Variants in NIN observed in about 807,000 individuals in gnomAD.
NIN encodes the protein glycogen synthase kinase 3 beta-interacting protein.
Under a neutral mutation model 257.6 loss-of-function variants are expected in NIN, and 137 were observed. The ratio of observed to expected loss-of-function variants is 0.53; its 90% CI spans 0.46 to 0.61. The LOEUF (loss-of-function observed/expected upper bound fraction) is 0.61. Ranked by LOEUF, NIN falls within the 20% of genes least tolerant of loss-of-function variation. The probability of loss-of-function intolerance (pLI) is 0.00; values close to 1 mark genes in which losing one functional copy is unlikely to be tolerated. For missense variants in NIN, 2,439 were observed against 2,501.2 expected, an observed-to-expected ratio of 0.98 and a Z score of 0.53; for synonymous variants, 918 against 919.8, an observed-to-expected ratio of 1.00 and a Z score of 0.04.
intron 4 of NIN, chr14:50,805,831 A>G (rs1163883211): frequency 6.6e-6 from 1 of 152,220 alleles, no homozygotes; most frequent in Non-Finnish European, 1.5e-5. Context: ...TACTAGCACC[A>G]TCAAGATATA....
chr14:50,771,760 C>A (rs1036418063), intron 9 of NIN, among the ~76,000 whole-genome samples: 2 of 152,004 alleles, frequency 1.3e-5, no homozygotes, highest in African/African-American at 2.4e-5. Context: ...CCGAGGCATG[C>A]GGATCATTTG....
At chr14:50,740,315 T>C (rs2099152274) in intron 25 of NIN, among the ~76,000 whole-genome samples, 1 of 150,090 alleles carries the variant, frequency 6.7e-6, no homozygotes, top group Non-Finnish European at 1.5e-5. Context: ...GCCTTCCAAG[T>C]AGCTGGGATT....
rs367650991 is a variant in NIN at position 50,739,458 on chromosome 14, T to C, written c.5478A>G (p.Pro1826=). Residue 1826 remains proline (P), a synonymous_variant, in exon 26 of 31, where the codon CCA becomes CCG. Coordinates refer to ENST00000530997, the MANE Select transcript of NIN (RefSeq NM_020921.4). ...KSWAPEIATH[P]SGLHNQQKRL... ...TTTTCTGCTGGTTATGGAGCCCTGA[T>C]GGATGAGTAGCTATCTCTGGGGCCC... 1.2e-6 allele frequency: 2 copies of C among 1,614,206 alleles called. No individual in the cohort carries two copies. Among genetic ancestry groups the C allele is most frequent in the Non-Finnish European group, 1.7e-6 (2 of 1,180,032 alleles).
At chr14:50,743,275 A>G (rs2041376197) in intron 24 of NIN, 141 bp downstream of exon 24, 4 of 611,758 alleles carry the variant, frequency 6.5e-6, no homozygotes, top group African/African-American at 3.7e-5. Context: ...CACTATAAAC[A>G]CACATCAAAC....
chr14:50,797,347 GCTTTCTATGTCC>G lies in NIN; in HGVS notation c.266-4478_266-4467del, dbSNP rs1347400326. On this transcript the variant is annotated intron_variant, in intron 4 of 30. Transcript: ENST00000530997. ...TTTGGAATTGCTCGCATAGGACTTTGCTTTCTATGTCCCTTCCTGACTCATTTAGTGAGCCTG... is the reference window on the plus strand; with the variant it reads ...TTTGGAATTGCTCGCATAGGACTTTGCTTCCTGACTCATTTAGTGAGCCTG... 2.0e-5 allele frequency among the ~76,000 whole-genome samples: 3 copies of G among 152,294 alleles called. No homozygotes were observed. The East Asian group carries it at 5.8e-4, about 29-fold the overall frequency.
At chr14:50,772,863 T>C (rs2042788202) in intron 8 of NIN, 86 bp downstream of exon 8, 1 of 1,136,282 alleles carries the variant, frequency 8.8e-7, no homozygotes, top group South Asian at 1.4e-5. Context: ...AGTATTTTGC[T>C]TCAGACAACA....
intron 28 of NIN, among the ~76,000 whole-genome samples, chr14:50,732,075 G>A (rs187951699): frequency 6.6e-5 from 10 of 152,296 alleles, no homozygotes; most frequent in East Asian, 3.9e-4. Context: ...CGAAGTAGGC[G>A]TCAAATTCTA....
intron 29 of NIN, among the ~76,000 whole-genome samples, chr14:50,729,178 A>G (rs983636614): frequency 6.6e-6 from 1 of 152,218 alleles, no homozygotes; most frequent in Non-Finnish European, 1.5e-5. Context: ...TGAGAGCTCA[A>G]AAGTAGCACC....
intron 3 of NIN, among the ~76,000 whole-genome samples, chr14:50,812,957 C>T (rs1233374422): frequency 6.6e-6 from 1 of 152,196 alleles, no homozygotes; most frequent in Admixed American, 6.5e-5. Flanking sequence ...TTGCATTGAT[C>T]TTTATTTTCC....
intron 4 of NIN, among the ~76,000 whole-genome samples, chr14:50,804,634 G>T (rs1182460737): frequency 1.3e-5 from 2 of 152,068 alleles, no homozygotes; most frequent in Non-Finnish European, 2.9e-5. Flanking sequence ...CCACCATCTG[G>T]AGCCAGATTT....
chr14:50,738,253 G>T lies in NIN; in HGVS notation c.5662C>A (p.His1888Asn), dbSNP rs1490322325. The change falls in exon 27 of 31, where the codon CAC becomes AAC. Residue 1888 changes from histidine to asparagine, a missense_variant. His to Asn is a moderately conservative substitution (Grantham distance 68, BLOSUM62 1). Coordinates refer to ENST00000530997, the MANE Select transcript of NIN (RefSeq NM_020921.4). Reference protein sequence around the residue: ...RQLESNLLPKHQKHLNPSGTM... With the variant: ...RQLESNLLPKNQKHLNPSGTM... ...CCTGATGGGTTTAGATGTTTTTGGT[G>T]CTTGGGAAGAAGATTGGATTCCAAC... 6.2e-7 allele frequency: 1 copy of T among 1,613,838 alleles called. No homozygotes were observed. The highest frequency in any genetic ancestry group is 8.5e-7 in the Non-Finnish European group (1 of 1,179,866).
intron 6 of NIN, among the ~76,000 whole-genome samples, chr14:50,778,519 GA>G (rs1197731298): frequency 2.0e-5 from 3 of 152,194 alleles, no homozygotes; most frequent in African/African-American, 7.2e-5. Context: ...AAATTAATCT[GA>G]AAGTCTGTAT....
chr14:50,759,421 A>T (rs2042175598), intron 17 of NIN, among the ~76,000 whole-genome samples: 1 of 152,234 alleles, frequency 6.6e-6, no homozygotes, highest in African/African-American at 2.4e-5. Flanking sequence ...ACAGTAAAAA[A>T]ATATTTAAAA....
At chr14:50,741,454 AAC>A (rs1466579963) in intron 25 of NIN, 126 bp downstream of exon 25, 10 of 740,400 alleles carry the variant, frequency 1.4e-5, no homozygotes, top group Non-Finnish European at 1.9e-5. Context: ...TGGTTATACA[AAC>A]ACAGATACAT....
Position 50,720,864 on chromosome 14 carries a change from A to G in NIN, c.*2599T>C, listed in dbSNP as rs1454969232. The stretch of plus-strand genomic sequence containing the variant: ...TCCCTTTTCTTGAAACGAAGATCCC[A>G]TCTTCTGAGACGATCTTAAATAATT... On this transcript the variant is annotated 3_prime_UTR_variant, in exon 31 of 31. Coordinates refer to ENST00000530997, the MANE Select transcript of NIN (RefSeq NM_020921.4). 5.0e-6 allele frequency: 1 copy of G among 199,558 alleles called. No homozygotes were observed. Among genetic ancestry groups the G allele is most frequent in the Admixed American group, 6.0e-5 (1 of 16,596 alleles). 12.4% of individuals were successfully genotyped at this position (199,558 alleles called of 1,614,324 possible).
At chr14:50,730,213 C>A (rs1445666885) in intron 28 of NIN, among the ~76,000 whole-genome samples, 1 of 152,118 alleles carries the variant, frequency 6.6e-6, no homozygotes, top group Non-Finnish European at 1.5e-5. Flanking sequence ...ATTATTTTAA[C>A]CTACCTTTAG....
At chr14:50,738,356 G>C (rs905488699) in intron 26 of NIN, 70 bp from the exon 27 acceptor site, 15 of 1,416,978 alleles carry the variant, frequency 1.1e-5, no homozygotes, top group African/African-American at 1.4e-5. Context: ...AACAAACATA[G>C]GGAAAGTTTT....
intron 3 of NIN, among the ~76,000 whole-genome samples, chr14:50,812,264 C>G (rs1264554654): frequency 1.3e-5 from 2 of 152,168 alleles, no homozygotes; most frequent in Non-Finnish European, 2.9e-5. Flanking sequence ...GAGACCCTAC[C>G]TCAAAATTGA....
intron 21 of NIN, among the ~76,000 whole-genome samples, chr14:50,749,846 T>C (rs7149963): frequency 0.028 from 4,317 of 152,104 alleles, 192 homozygotes; most frequent in African/African-American, 0.097. Context: ...CATGCCACCA[T>C]GCCCTACTAA....
Sources: gnomAD v4.1 joint callset for allele counts (sites outside exome capture counted in the v4.1 genomes callset) on GRCh38, gnomAD v4.1.1 for gene constraint, MANE v1.5 for transcripts, NCBI Gene and HGNC (gene_info 2026-07-23, HGNC 2026-07-21) for gene names.